The following RALGAPA1 variants were observed in gnomAD, a reference collection of about 807,000 sequenced individuals.
RALGAPA1 encodes the protein Ral GTPase activating protein catalytic subunit alpha 1.
Under a neutral mutation model 269.6 loss-of-function variants are expected in RALGAPA1, and 52 were observed. That is an observed-to-expected ratio of 0.19 (90% confidence interval 0.15 to 0.24). The LOEUF is 0.24. Among genes scored for constraint, RALGAPA1 ranks in the 10% least tolerant of loss-of-function variants. The pLI is 1.00. For synonymous variants in RALGAPA1, 817 were observed against 1,008.3 expected, an observed-to-expected ratio of 0.81 and a Z score of 3.60; for missense variants, 1,917 against 3,013.9, an observed-to-expected ratio of 0.64 and a Z score of 8.52.
At chr14:35,769,831 A>G (rs1001072629) in intron 4 of RALGAPA1, among the ~76,000 whole-genome samples, 2 of 152,190 alleles carry the variant, frequency 1.3e-5, no homozygotes, top group African/African-American at 4.8e-5. Flanking sequence ...ATCACAAAGA[A>G]AAGTCCAAGT....
intron 30 of RALGAPA1, among the ~76,000 whole-genome samples, chr14:35,652,480 T>C (rs1190683679): frequency 1.3e-5 from 2 of 152,142 alleles, no homozygotes; most frequent in African/African-American, 4.8e-5. Flanking sequence ...TGGAGTGCAG[T>C]GGAGCAATCT....
chr14:35,580,836 T>G (rs917581558), intron 37 of RALGAPA1, among the ~76,000 whole-genome samples: 1 of 152,148 alleles, frequency 6.6e-6, no homozygotes, highest in Non-Finnish European at 1.5e-5. Flanking sequence ...GCATGGCTAT[T>G]TCTTTATACT....
chr14:35,592,279 G>A (rs1273063931), intron 37 of RALGAPA1, among the ~76,000 whole-genome samples: 1 of 152,146 alleles, frequency 6.6e-6, no homozygotes, highest in African/African-American at 2.4e-5. Flanking sequence ...AAATGGATAA[G>A]TTTCTAGAAT....
chr14:35,703,331 A>C (rs759295064), intron 16 of RALGAPA1, among the ~76,000 whole-genome samples: 1 of 152,132 alleles, frequency 6.6e-6, no homozygotes, highest in Non-Finnish European at 1.5e-5. Flanking sequence ...CTAAAACATT[A>C]GCTGGGTGTG....
At chr14:35,766,559 T>C in intron 4 of RALGAPA1, 2 of 866,084 alleles carry the variant, frequency 2.3e-6, no homozygotes, top group Non-Finnish European at 3.9e-6. Context: ...TAGCAAGATC[T>C]GATGGGCTAC....
intron 17 of RALGAPA1, among the ~76,000 whole-genome samples, chr14:35,698,078 T>C (rs1183609530): frequency 6.6e-6 from 1 of 152,170 alleles, no homozygotes; most frequent in Non-Finnish European, 1.5e-5. Flanking sequence ...ATATAAAGTT[T>C]GTTTTGTTTT....
intron 4 of RALGAPA1, among the ~76,000 whole-genome samples, chr14:35,768,948 T>C (rs2074363870): frequency 7.7e-6 from 1 of 130,018 alleles, no homozygotes; most frequent in African/African-American, 3.0e-5. Flanking sequence ...GCGGAGGTTG[T>C]GGTGAGCCGA....
chr14:35,716,099 A>G (rs1595287618), intron 16 of RALGAPA1: 1 of 984,798 alleles, frequency 1.0e-6, no homozygotes, highest in Non-Finnish European at 1.2e-6. Flanking sequence ...AAATGTAGAA[A>G]AAATTAAAAG....
At chr14:35,544,500 C>T (rs1489403495) in intron 41 of RALGAPA1, among the ~76,000 whole-genome samples, 1 of 152,110 alleles carries the variant, frequency 6.6e-6, no homozygotes, top group Non-Finnish European at 1.5e-5. Context: ...GTCTGGCACT[C>T]AGTAATAGCA....
intron 39 of RALGAPA1, among the ~76,000 whole-genome samples, chr14:35,555,540 A>C (rs1288732000): frequency 2.0e-5 from 3 of 152,216 alleles, no homozygotes; most frequent in East Asian, 3.8e-4. Context: ...ACACTTGAAA[A>C]ATGTTAAATA....
At chr14:35,603,205 T>C (rs978930320) in intron 36 of RALGAPA1, among the ~76,000 whole-genome samples, 1 of 152,174 alleles carries the variant, frequency 6.6e-6, no homozygotes, top group African/African-American at 2.4e-5. Context: ...GTAGTAAGTT[T>C]TGAAATCAAG....
chr14:35,597,787 T>C (rs1019130797), intron 36 of RALGAPA1, among the ~76,000 whole-genome samples: 5 of 152,252 alleles, frequency 3.3e-5, no homozygotes, highest in Non-Finnish European at 7.3e-5. Context: ...GTTGTACGAA[T>C]TAAAGGACAT....
intron 31 of RALGAPA1, among the ~76,000 whole-genome samples, chr14:35,636,253 T>A (rs913740722): frequency 3.3e-5 from 5 of 152,180 alleles, no homozygotes; most frequent in Non-Finnish European, 5.9e-5. Context: ...AGGTCACTTT[T>A]TATACAAAAT....
chr14:35,796,305 G>C (rs1218887477), intron 1 of RALGAPA1, among the ~76,000 whole-genome samples: 7 of 152,100 alleles, frequency 4.6e-5, no homozygotes, highest in Non-Finnish European at 8.8e-5. Flanking sequence ...TGAACTTGAA[G>C]ACATAGCAAT....
At chr14:35,773,014 C>T (rs1229037490) in intron 3 of RALGAPA1, among the ~76,000 whole-genome samples, 1 of 152,058 alleles carries the variant, frequency 6.6e-6, no homozygotes, top group Non-Finnish European at 1.5e-5. Flanking sequence ...CCTATGTCTC[C>T]CACAGCTGGC....
Position 35,700,243 on chromosome 14 carries a change from T to C in RALGAPA1, c.2326A>G (p.Lys776Glu). The C allele has an allele frequency of 1.3e-6, 2 of 1,535,856 alleles. No individual in the cohort carries two copies. Among genetic ancestry groups the C allele is most frequent in the Non-Finnish European group, 1.7e-6 (2 of 1,146,722 alleles). The change falls in exon 17 of 42, where the codon AAA becomes GAA. Residue 776 changes from lysine (K) to glutamate (E), a missense_variant. Physicochemically the swap from Lys to Glu is moderately conservative, Grantham distance 56. Transcript: ENST00000680220. ...GTATGGATCAGAACAGGAGCACTTT[T>C]AGCACTGCGTATATAGGCCGATGGC... is the stretch of plus-strand genomic sequence containing the variant. ...ALPSAYIRSAKSAPVLIHTSK... is the reference protein window; with the variant it reads ...ALPSAYIRSAESAPVLIHTSK...
intron 1 of RALGAPA1, among the ~76,000 whole-genome samples, chr14:35,792,737 C>T (rs2076265309): frequency 7.0e-6 from 1 of 141,948 alleles, no homozygotes; most frequent in Admixed American, 7.2e-5. Context: ...GAGCTCGTGC[C>T]ACTGCACTCC....
chr14:35,556,943 C>T (rs1266827919), intron 39 of RALGAPA1, among the ~76,000 whole-genome samples: 1 of 152,076 alleles, frequency 6.6e-6, no homozygotes. Context: ...CCCAATTCCA[C>T]CAAAGTTTGT....
intron 31 of RALGAPA1, among the ~76,000 whole-genome samples, chr14:35,648,888 T>A (rs560287432): frequency 6.6e-6 from 1 of 152,332 alleles, no homozygotes; most frequent in South Asian, 2.1e-4. Flanking sequence ...CTAGACCTGG[T>A]GTTCTTCCTA....
Sources: allele counts gnomAD v4.1 joint callset (sites outside exome capture counted in the v4.1 genomes callset), GRCh38; gene constraint gnomAD v4.1.1; transcripts MANE v1.5; gene names NCBI Gene and HGNC (gene_info 2026-07-23, HGNC 2026-07-21).